Variants in ARHGEF26 observed in about 807,000 individuals in gnomAD.
ARHGEF26 encodes Rho guanine nucleotide exchange factor 26, also known as Rho guanine nucleotide exchange factor (GEF) 26.
Under a neutral mutation model 89.4 loss-of-function variants are expected in ARHGEF26, and 59 were observed. The ratio of observed to expected loss-of-function variants is 0.66; its 90% CI spans 0.54 to 0.82. ARHGEF26 has a LOEUF of 0.82. ARHGEF26 is among the 40% of genes least tolerant of loss of function. The probability of loss-of-function intolerance (pLI) is 0.00; values close to 1 mark genes in which losing one functional copy is unlikely to be tolerated. For synonymous variants in ARHGEF26, 500 were observed against 428.4 expected, an observed-to-expected ratio of 1.17 and a Z score of -2.06; for missense variants, 1,234 against 1,085.6, an observed-to-expected ratio of 1.14 and a Z score of -1.92.
chr3:154,192,638 T>C (rs2108189828), intron 8 of ARHGEF26, among the ~76,000 whole-genome samples: 1 of 152,322 alleles, frequency 6.6e-6, no homozygotes, highest in African/African-American at 2.4e-5. Flanking sequence ...TGTTTAAAGA[T>C]AGAATGTGGC....
chr3:154,188,663 C>A (rs780357181), intron 7 of ARHGEF26, among the ~76,000 whole-genome samples: 1 of 152,112 alleles, frequency 6.6e-6, no homozygotes, highest in African/African-American at 2.4e-5. Flanking sequence ...TTTATGACCA[C>A]GGCATGGAGC....
chr3:154,182,657 T>C (rs534947499), intron 6 of ARHGEF26, among the ~76,000 whole-genome samples: 8 of 152,342 alleles, frequency 5.3e-5, no homozygotes, highest in Non-Finnish European at 4.4e-5. Context: ...GCTGCTACTC[T>C]TCTTGCTGGA....
intron 9 of ARHGEF26, among the ~76,000 whole-genome samples, chr3:154,212,808 C>G (rs896239942): frequency 7.2e-5 from 11 of 152,114 alleles, no homozygotes; most frequent in Admixed American, 1.3e-4. Flanking sequence ...CTCACTTGCC[C>G]TCCACTCACC....
chr3:154,176,759 C>T (rs1307717758), intron 6 of ARHGEF26, among the ~76,000 whole-genome samples: 2 of 151,996 alleles, frequency 1.3e-5, no homozygotes, highest in African/African-American at 4.8e-5. Flanking sequence ...CGGCCAGAGA[C>T]GTTTTTAGAA....
chr3:154,147,635 G>A (rs928765247), intron 4 of ARHGEF26, among the ~76,000 whole-genome samples: 1 of 152,136 alleles, frequency 6.6e-6, no homozygotes, highest in African/African-American at 2.4e-5. Flanking sequence ...AAGACTATAG[G>A]TATAAACATA....
intron 5 of ARHGEF26, among the ~76,000 whole-genome samples, chr3:154,151,025 T>A (rs1022414848): frequency 6.6e-6 from 1 of 152,198 alleles, no homozygotes; most frequent in Non-Finnish European, 1.5e-5. Flanking sequence ...TTTGAGTATT[T>A]AGATTAGATT....
intron 9 of ARHGEF26, among the ~76,000 whole-genome samples, chr3:154,195,359 A>G (rs138000615): frequency 1.3e-5 from 2 of 152,202 alleles, no homozygotes; most frequent in Non-Finnish European, 2.9e-5. Flanking sequence ...CTTGTTATAC[A>G]TGCTAGGCTG....
chr3:154,141,590 A>T (rs896476830), intron 4 of ARHGEF26, among the ~76,000 whole-genome samples: 2 of 152,172 alleles, frequency 1.3e-5, no homozygotes, highest in Non-Finnish European at 2.9e-5. Flanking sequence ...TGTCTAGTGT[A>T]AATTTATACA....
intron 9 of ARHGEF26, among the ~76,000 whole-genome samples, chr3:154,206,798 T>C (rs896405885): frequency 6.6e-6 from 1 of 152,152 alleles, no homozygotes; most frequent in Non-Finnish European, 1.5e-5. Flanking sequence ...AGAGCATAAA[T>C]AGCCAAGGCA....
intron 6 of ARHGEF26, among the ~76,000 whole-genome samples, chr3:154,160,469 T>C (rs953459249): frequency 6.6e-6 from 1 of 152,086 alleles, no homozygotes; most frequent in Admixed American, 6.6e-5. Context: ...CATTCTCTTC[T>C]AAAAATCCCA....
intron 9 of ARHGEF26, among the ~76,000 whole-genome samples, chr3:154,197,003 A>G (rs1714333246): frequency 6.6e-6 from 1 of 152,160 alleles, no homozygotes; most frequent in African/African-American, 2.4e-5. Flanking sequence ...CAGTTACAGT[A>G]GATTACTACA....
At position 154,255,717 on chromosome 3, in the gene ARHGEF26, G is replaced by A. The variant is rs748045904; in HGVS notation, c.*244G>A. ...ACCTCCTGAGGTACACAGAATAGCTGAGCAGTTCACTTCAGGGATCAGGTC... is the reference window on the plus strand; with the variant it reads ...ACCTCCTGAGGTACACAGAATAGCTAAGCAGTTCACTTCAGGGATCAGGTC... On this transcript the variant is annotated 3_prime_UTR_variant, in exon 15 of 15. Coordinates refer to ENST00000465093, the MANE Select transcript of ARHGEF26 (RefSeq NM_015595.4). 3.1e-5 allele frequency: 40 copies of A among 1,303,796 alleles called. No homozygotes were observed. The highest frequency in any genetic ancestry group is 2.1e-4 in the South Asian group (9 of 42,698). The allele number at this position is 1,303,796 out of a possible 1,614,324, so 80.8% of individuals were successfully genotyped here.
intron 12 of ARHGEF26, among the ~76,000 whole-genome samples, chr3:154,242,870 A>T (rs1216616953): frequency 6.6e-6 from 1 of 152,150 alleles, no homozygotes; most frequent in Non-Finnish European, 1.5e-5. Flanking sequence ...AAACAAACAA[A>T]TGCCTTTCTC....
chr3:154,223,112 T>C (rs899331579), intron 10 of ARHGEF26, among the ~76,000 whole-genome samples: 1 of 152,184 alleles, frequency 6.6e-6, no homozygotes, highest in African/African-American at 2.4e-5. Context: ...AGTTTGACCT[T>C]ATGAATAAGC....
chr3:154,232,317 T>A (rs1245808110), intron 11 of ARHGEF26, among the ~76,000 whole-genome samples: 2 of 152,226 alleles, frequency 1.3e-5, no homozygotes, highest in Non-Finnish European at 2.9e-5. Flanking sequence ...GCAGTCATAC[T>A]GATGAATGGG....
chr3:154,254,276 T>C (rs1183448319), intron 13 of ARHGEF26, among the ~76,000 whole-genome samples: 2 of 152,222 alleles, frequency 1.3e-5, no homozygotes, highest in Non-Finnish European at 2.9e-5. Flanking sequence ...GAGCTCATTT[T>C]ATTTCTAAAC....
At position 154,257,090 on chromosome 3, in the gene ARHGEF26, G is replaced by A. The variant is rs778026927; in HGVS notation, c.*1617G>A. The A allele has an allele frequency of 7.7e-7, 1 of 1,296,582 alleles. No individual in the cohort carries two copies. Among genetic ancestry groups the A allele is most frequent in the Non-Finnish European group, 1.0e-6 (1 of 985,422 alleles). The allele number at this position is 1,296,582 out of a possible 1,614,324, so 80.3% of individuals were successfully genotyped here. A position where few individuals can be genotyped will look rare whatever the true frequency, so the allele number is the denominator to read the frequency against. ...GCTAACTAGTTATCCAAATTGTAAA[G>A]CTACAGAAGCCCAGTTGAGGGGTAA... On this transcript the variant is annotated 3_prime_UTR_variant, in exon 15 of 15. Transcript: ENST00000465093.
chr3:154,182,511 A>C (rs1713251410), intron 6 of ARHGEF26, among the ~76,000 whole-genome samples: 1 of 152,132 alleles, frequency 6.6e-6, no homozygotes, highest in South Asian at 2.1e-4. Flanking sequence ...ATGGTTGCTG[A>C]CCCTTCTGTT....
intron 6 of ARHGEF26, among the ~76,000 whole-genome samples, chr3:154,174,090 C>G (rs1712646859): frequency 6.6e-6 from 1 of 152,144 alleles, no homozygotes; most frequent in South Asian, 2.1e-4. Flanking sequence ...TACAGGGAGA[C>G]AAGTTCAAAT....
Sources: allele counts gnomAD v4.1 joint callset (sites outside exome capture counted in the v4.1 genomes callset), GRCh38; gene constraint gnomAD v4.1.1; transcripts MANE v1.5; gene names NCBI Gene and HGNC (gene_info 2026-07-23, HGNC 2026-07-21).